Variants in TNR observed in about 807,000 individuals in gnomAD.
The protein encoded by TNR is tenascin R, also known as tenascin-R.
A neutral mutation model predicts 150.4 loss-of-function variants in TNR; 45 were observed. That is an observed-to-expected ratio of 0.30 (90% CI 0.24 to 0.38). TNR has a LOEUF of 0.38. Ranked by LOEUF, TNR falls within the 10% of genes least tolerant of loss-of-function variation. The pLI is 1.00. For missense variants in TNR, 1,544 were observed against 1,759.1 expected, an observed-to-expected ratio of 0.88 and a Z score of 2.19; for synonymous variants, 687 against 678.4, an observed-to-expected ratio of 1.01 and a Z score of -0.20.
chr1:175,687,908 G>A (rs891636867), intron 1 of TNR, among the ~76,000 whole-genome samples: 6 of 151,882 alleles, frequency 4.0e-5, no homozygotes, highest in Non-Finnish European at 7.4e-5. Context: ...CAAGCTGGGC[G>A]TGAATACACC....
intron 2 of TNR, among the ~76,000 whole-genome samples, chr1:175,409,113 T>C (rs1292384678): frequency 1.3e-5 from 2 of 152,248 alleles, no homozygotes; most frequent in African/African-American, 2.4e-5. Context: ...CGTGACTTTC[T>C]TGAGCATCAC....
At chr1:175,622,772 T>C (rs1314760478) in intron 1 of TNR, among the ~76,000 whole-genome samples, 2 of 152,226 alleles carry the variant, frequency 1.3e-5, no homozygotes, top group African/African-American at 4.8e-5. Context: ...AGCAGGGCTA[T>C]GATGCCTCTG....
intron 2 of TNR, among the ~76,000 whole-genome samples, chr1:175,430,816 C>A (rs185722407): frequency 6.6e-6 from 1 of 152,146 alleles, no homozygotes; most frequent in East Asian, 1.9e-4. Context: ...ACCATATAGA[C>A]AAGAGGGCTC....
chr1:175,659,402 A>G (rs1408726608), intron 1 of TNR, among the ~76,000 whole-genome samples: 1 of 152,220 alleles, frequency 6.6e-6, no homozygotes, highest in East Asian at 1.9e-4. Flanking sequence ...TGTGTGTGCC[A>G]GCCAGGATGG....
intron 1 of TNR, among the ~76,000 whole-genome samples, chr1:175,679,434 G>A (rs1020286909): frequency 6.6e-6 from 1 of 152,230 alleles, no homozygotes; most frequent in Non-Finnish European, 1.5e-5. Flanking sequence ...AGGAGGGAGA[G>A]AGACAACATT....
intron 21 of TNR, among the ~76,000 whole-genome samples, chr1:175,326,774 T>A (rs1224268594): frequency 6.6e-6 from 1 of 152,172 alleles, no homozygotes; most frequent in East Asian, 1.9e-4. Flanking sequence ...TTCAAGCGAT[T>A]CTCCTGCCTC....
chr1:175,317,080 C>A lies in TNR; in HGVS notation c.*6277G>T, dbSNP rs1648868112. 1 of 152,174 alleles carries A rather than the reference C, an allele frequency of 6.6e-6. No individual in the cohort carries two copies. Among genetic ancestry groups the A allele is most frequent in the South Asian group, 2.1e-4 (1 of 4,832 alleles). 9.4% of individuals were successfully genotyped at this position (152,174 alleles called of 1,614,324 possible). On this transcript the variant is annotated 3_prime_UTR_variant, in exon 23 of 23. Transcript: ENST00000367674. ...TGAGCATGTTACTTAACCTTCCTGGCCCTCCCTTCCCTCTTCTATAAAATG... is the reference window on the plus strand; with the variant it reads ...TGAGCATGTTACTTAACCTTCCTGGACCTCCCTTCCCTCTTCTATAAAATG...
rs1649162841 is a variant in TNR at position 175,323,301 on chromosome 1, T to A, written c.*56A>T. 12 of 1,601,398 alleles carry A rather than the reference T, an allele frequency of 7.5e-6. No homozygotes were observed. Among genetic ancestry groups the A allele is most frequent in the Non-Finnish European group, 9.4e-6 (11 of 1,172,268 alleles). On this transcript the variant is annotated 3_prime_UTR_variant, in exon 23 of 23. Coordinates refer to ENST00000367674, the MANE Select transcript of TNR (RefSeq NM_003285.3). ...TATTACCCTCCCCCCTTGTTTCATA[T>A]TATAAAATACAAACAAATGACAGAA... is the stretch of plus-strand genomic sequence containing the variant.
At chr1:175,739,498 GCA>G (rs372705861) in intron 1 of TNR, among the ~76,000 whole-genome samples, 18 of 149,796 alleles carry the variant, frequency 1.2e-4, no homozygotes, top group South Asian at 4.2e-4. Context: ...GCACACACAT[GCA>G]CACACACACA....
chr1:175,713,185 C>T (rs762417108), intron 1 of TNR, among the ~76,000 whole-genome samples: 5 of 152,166 alleles, frequency 3.3e-5, no homozygotes, highest in Non-Finnish European at 7.3e-5. Context: ...GACAAAGATG[C>T]CATTAAGACT....
intron 20 of TNR, among the ~76,000 whole-genome samples, chr1:175,331,078 C>CCTTCTTTCT (rs1649823861): frequency 1.7e-5 from 1 of 59,916 alleles, no homozygotes; most frequent in African/African-American, 6.3e-5. Context: ...TCTTTCTTTC[C>CCTTCTTTCT]TTCTTTCTTT....
At chr1:175,411,711 A>G (rs1654225256) in intron 2 of TNR, among the ~76,000 whole-genome samples, 1 of 151,928 alleles carries the variant, frequency 6.6e-6, no homozygotes, top group Non-Finnish European at 1.5e-5. Flanking sequence ...ACAATGGATT[A>G]GAGGAACCAC....
At chr1:175,644,979 G>A (rs1664768471) in intron 1 of TNR, among the ~76,000 whole-genome samples, 1 of 152,090 alleles carries the variant, frequency 6.6e-6, no homozygotes, top group East Asian at 1.9e-4. Flanking sequence ...CCTTCTTTCA[G>A]AGTCTTGGGA....
intron 1 of TNR, among the ~76,000 whole-genome samples, chr1:175,675,272 C>T (rs540730036): frequency 1.1e-3 from 168 of 152,244 alleles, no homozygotes; most frequent in African/African-American, 3.9e-3. Context: ...CTATGGATAA[C>T]GGCTGAGTAT....
At chr1:175,420,692 T>C (rs556930119) in intron 2 of TNR, among the ~76,000 whole-genome samples, 1 of 152,216 alleles carries the variant, frequency 6.6e-6, no homozygotes, top group Non-Finnish European at 1.5e-5. Flanking sequence ...TAATCACGAC[T>C]GATTCCTCTA....
rs554032313 is a variant in TNR, at chr1:175,669,322, G to A, written c.-165+73904C>T. ...GCCGTTGCCAGGCACAGGGCCAGGCGCTCAACATGGTTGATGAATGAACAA... is the reference window on the plus strand; with the variant it reads ...GCCGTTGCCAGGCACAGGGCCAGGCACTCAACATGGTTGATGAATGAACAA... On this transcript the variant is annotated intron_variant, in intron 1 of 22. Coordinates refer to ENST00000367674, the MANE Select transcript of TNR (RefSeq NM_003285.3). Among the ~76,000 whole-genome samples the A allele has an allele frequency of 1.2e-4, 19 of 152,294 alleles. No homozygotes were observed. The South Asian group carries it at 2.7e-3, about 22-fold the overall frequency.
At chr1:175,469,646 A>C (rs1003824790) in intron 2 of TNR, among the ~76,000 whole-genome samples, 3 of 151,644 alleles carry the variant, frequency 2.0e-5, no homozygotes, top group African/African-American at 7.3e-5. Context: ...GACGGGGAGG[A>C]GGAGATGAGA....
At chr1:175,440,836 A>C (rs1655751546) in intron 2 of TNR, among the ~76,000 whole-genome samples, 1 of 152,176 alleles carries the variant, frequency 6.6e-6, no homozygotes, top group Non-Finnish European at 1.5e-5. Context: ...GAACAGAGAA[A>C]ATATATGCTA....
At chr1:175,383,931 T>A (rs535268968) in intron 8 of TNR, among the ~76,000 whole-genome samples, 12 of 152,282 alleles carry the variant, frequency 7.9e-5, no homozygotes, top group African/African-American at 2.9e-4. Flanking sequence ...CAGCTGCCAA[T>A]CCACCAGGCA....
Sources: allele counts gnomAD v4.1 joint callset (sites outside exome capture counted in the v4.1 genomes callset), GRCh38; gene constraint gnomAD v4.1.1; transcripts MANE v1.5; gene names NCBI Gene and HGNC (gene_info 2026-07-23, HGNC 2026-07-21).